The following CALN1 variants were observed in gnomAD, a reference collection of about 807,000 sequenced individuals.
CALN1 encodes calcium-binding protein 8.
Under a neutral mutation model 30.6 loss-of-function variants are expected in CALN1, and 17 were observed. The ratio of observed to expected loss-of-function variants is 0.56; its 90% CI spans 0.38 to 0.83. CALN1 has a LOEUF of 0.83. Ranked by LOEUF, CALN1 falls within the 40% of genes least tolerant of loss-of-function variation. The pLI is 0.00. For missense variants in CALN1, 291 were observed against 354.9 expected (o/e 0.82, Z 1.45); for synonymous variants, 156 against 131.4 (o/e 1.19, Z -1.28).
At chr7:72,393,220 C>T (rs954234419) in intron 2 of CALN1, among the ~76,000 whole-genome samples, 2 of 152,142 alleles carry the variant, frequency 1.3e-5, no homozygotes, top group African/African-American at 2.4e-5. Flanking sequence ...GTAATCCCAG[C>T]ACATTGGGAG....
intron 3 of CALN1, among the ~76,000 whole-genome samples, chr7:72,136,360 T>G (rs567776460): frequency 6.6e-6 from 1 of 152,292 alleles, no homozygotes; most frequent in South Asian, 2.1e-4. Context: ...AGCGTCAAAC[T>G]TTTTTTCTGC....
the CALN1 span, among the ~76,000 whole-genome samples, chr7:72,463,983 AGGAGGGAGGGAG>A: frequency 9.4e-6 from 1 of 105,832 alleles, no homozygotes; most frequent in African/African-American, 3.7e-5. Context: ...AAGGAAGGGA[AGGAGGGAGGGAG>A]GGAGGGAGGG....
At chr7:72,222,191 G>A (rs780374408) in intron 3 of CALN1, among the ~76,000 whole-genome samples, 6 of 151,498 alleles carry the variant, frequency 4.0e-5, no homozygotes, top group African/African-American at 1.5e-4. Flanking sequence ...GTGCCCCTGC[G>A]CTCCAGTCTG....
At chr7:72,150,653 G>T (rs891503908) in intron 3 of CALN1, among the ~76,000 whole-genome samples, 1 of 152,176 alleles carries the variant, frequency 6.6e-6, no homozygotes, top group Non-Finnish European at 1.5e-5. Context: ...CAGAGAGAAC[G>T]TGAGAGGGGC....
At chr7:72,088,701 G>GAAAA (rs71069024) in intron 4 of CALN1, among the ~76,000 whole-genome samples, 6 of 72,376 alleles carry the variant, frequency 8.3e-5, no homozygotes, top group Admixed American at 2.8e-4. Flanking sequence ...TCCATCTCAA[G>GAAAA]AAAAAAAAAA....
chr7:72,032,300 C>T (rs1801507392), intron 4 of CALN1, among the ~76,000 whole-genome samples: 1 of 152,140 alleles, frequency 6.6e-6, no homozygotes, highest in Non-Finnish European at 1.5e-5. Context: ...CCCGCCTTGG[C>T]CTCCCAAAGT....
chr7:72,286,251 G>C (rs1340506232), intron 2 of CALN1, among the ~76,000 whole-genome samples: 1 of 151,842 alleles, frequency 6.6e-6, no homozygotes, highest in Non-Finnish European at 1.5e-5. Context: ...CTTTATTAAA[G>C]CAGCCAAGGT....
intron 2 of CALN1, among the ~76,000 whole-genome samples, chr7:72,354,292 AG>A (rs1234541271): frequency 2.0e-5 from 3 of 152,188 alleles, no homozygotes; most frequent in African/African-American, 7.2e-5. Flanking sequence ...AACATTGCTG[AG>A]AGAGATTAAA....
At chr7:72,217,237 C>T (rs1452340516) in intron 3 of CALN1, among the ~76,000 whole-genome samples, 3 of 152,038 alleles carry the variant, frequency 2.0e-5, no homozygotes, top group Admixed American at 1.3e-4. Context: ...AAGAGGGTTC[C>T]TGGAGACCAA....
chr7:72,315,734 G>A (rs950051257), intron 2 of CALN1, among the ~76,000 whole-genome samples: 5 of 151,804 alleles, frequency 3.3e-5, no homozygotes, highest in East Asian at 1.9e-4. Flanking sequence ...AAAAAACAAC[G>A]CCAATAGCAG....
chr7:72,150,877 T>C (rs1314060838), intron 3 of CALN1, among the ~76,000 whole-genome samples: 1 of 150,520 alleles, frequency 6.6e-6, no homozygotes, highest in Non-Finnish European at 1.5e-5. Context: ...GATGATATGA[T>C]GATGATGATG....
chr7:72,099,273 CTTTTT>C lies in CALN1; in HGVS notation c.388+6873_388+6877del, dbSNP rs386359911. On this transcript the variant is annotated intron_variant, in intron 4 of 6. Transcript: ENST00000395275. The stretch of plus-strand genomic sequence containing the variant: ...ATCCTAAGCTTTGCCCCAAACACTC[CTTTTT>C]TTTTTTTTTTTTTTTGGCATCATCC... Among the ~76,000 whole-genome samples, 25 of 125,314 alleles carry C rather than the reference CTTTTT, an allele frequency of 2.0e-4. 1 individual carries two copies. The highest frequency in any genetic ancestry group is 4.9e-4 in the African/African-American group (16 of 32,466). 82.2% of individuals were successfully genotyped at this position (125,314 alleles called of 152,430 possible).
intron 4 of CALN1, among the ~76,000 whole-genome samples, chr7:72,096,060 G>GATAC (rs1180569299): frequency 1.3e-5 from 2 of 151,798 alleles, no homozygotes; most frequent in East Asian, 3.9e-4. Context: ...TAGATAGATA[G>GATAC]ATAGATAGAT....
intron 6 of CALN1, among the ~76,000 whole-genome samples, chr7:71,799,496 C>T (rs897857149): frequency 6.6e-6 from 1 of 151,868 alleles, no homozygotes; most frequent in African/African-American, 2.4e-5. Flanking sequence ...GACAGAGTCT[C>T]ACTCTGTTGC....
intron 3 of CALN1, among the ~76,000 whole-genome samples, chr7:72,144,657 C>T (rs762883386): frequency 2.0e-5 from 3 of 152,184 alleles, no homozygotes; most frequent in Non-Finnish European, 4.4e-5. Context: ...CACCCAAAAT[C>T]AACAGACTAT....
At chr7:72,402,797 G>A (rs1806432014) in intron 2 of CALN1, among the ~76,000 whole-genome samples, 1 of 152,146 alleles carries the variant, frequency 6.6e-6, no homozygotes, top group African/African-American at 2.4e-5. Context: ...AGACACTTGG[G>A]TAGGAATCCC....
intron 2 of CALN1, among the ~76,000 whole-genome samples, chr7:72,363,778 G>A (rs1420609972): frequency 7.0e-6 from 1 of 142,488 alleles, no homozygotes; most frequent in Non-Finnish European, 1.5e-5. Flanking sequence ...CCAGGCTGGA[G>A]TGCAGTGGCA....
At chr7:72,327,512 C>G (rs1196173860) in intron 2 of CALN1, among the ~76,000 whole-genome samples, 1 of 152,106 alleles carries the variant, frequency 6.6e-6, no homozygotes, top group Non-Finnish European at 1.5e-5. Context: ...TAAACGAACA[C>G]TTCATTGAAC....
intron 4 of CALN1, among the ~76,000 whole-genome samples, chr7:72,033,373 T>C (rs766266427): frequency 1.8e-4 from 27 of 152,200 alleles, no homozygotes; most frequent in Non-Finnish European, 3.5e-4. Context: ...AAAATGTCTA[T>C]CTGAGACTCC....
Sources: allele counts gnomAD v4.1 joint callset (sites outside exome capture counted in the v4.1 genomes callset), GRCh38; gene constraint gnomAD v4.1.1; transcripts MANE v1.5; gene names NCBI Gene and HGNC (gene_info 2026-07-23, HGNC 2026-07-21).